PBRM1: variants seen among roughly 807,000 people sequenced by gnomAD.
PBRM1 encodes the protein polybromo 1.
A neutral mutation model predicts 194.5 loss-of-function variants in PBRM1; 27 were observed. That is an observed-to-expected ratio of 0.14 (90% CI 0.10 to 0.19). PBRM1 has a LOEUF of 0.19. Ranked by LOEUF, PBRM1 falls within the 10% of genes least tolerant of loss-of-function variation. The pLI, the probability that PBRM1 is intolerant of heterozygous loss-of-function variation, is 1.00. For missense variants in PBRM1, 1,466 were observed against 2,077.2 expected (o/e 0.71, Z 5.72); for synonymous variants, 655 against 693.2 (o/e 0.94, Z 0.87).
At chr3:52,663,577 A>G (rs2096769556) in intron 3 of PBRM1, among the ~76,000 whole-genome samples, 1 of 152,268 alleles carries the variant, frequency 6.6e-6, no homozygotes, top group South Asian at 2.1e-4. Context: ...CTCTACAGAT[A>G]AAGTTCCAAG....
chr3:52,638,158 ACTAT>A (rs1457255991), intron 10 of PBRM1, among the ~76,000 whole-genome samples: 10 of 152,144 alleles, frequency 6.6e-5, no homozygotes, highest in African/African-American at 1.9e-4. Context: ...GTCCTTATAT[ACTAT>A]CTTTTATACA....
intron 10 of PBRM1, 120 bp from the exon 12 acceptor site, chr3:52,634,935 A>G: frequency 1.4e-6 from 1 of 731,348 alleles, no homozygotes; most frequent in Non-Finnish European, 2.2e-6. Flanking sequence ...TATTATTACT[A>G]TTATTTTTGA....
At chr3:52,563,725 G>A (rs902964182) in intron 23 of PBRM1, among the ~76,000 whole-genome samples, 3 of 150,228 alleles carry the variant, frequency 2.0e-5, no homozygotes, top group African/African-American at 7.4e-5. Flanking sequence ...TCCAAAGTTG[G>A]GATCTAGTTG....
chr3:52,636,664 G>A (rs1026554986), intron 10 of PBRM1, among the ~76,000 whole-genome samples: 2 of 143,528 alleles, frequency 1.4e-5, no homozygotes, highest in Admixed American at 1.4e-4. Flanking sequence ...GGCTGAGGCA[G>A]GAGAATCACT....
chr3:52,630,229 G>A (rs577433108), intron 11 of PBRM1, among the ~76,000 whole-genome samples: 108 of 151,326 alleles, frequency 7.1e-4, no homozygotes, highest in Non-Finnish European at 1.3e-3. Flanking sequence ...AAAAAAATAG[G>A]GGGGACAAAT....
chr3:52,579,614 AAAAC>A (rs145752174), intron 20 of PBRM1, among the ~76,000 whole-genome samples: 3 of 151,984 alleles, frequency 2.0e-5, no homozygotes, highest in Non-Finnish European at 4.4e-5. Flanking sequence ...AAAGTAAATT[AAAAC>A]AAACAAACAA....
chr3:52,580,397 C>T (rs958908412), intron 20 of PBRM1, among the ~76,000 whole-genome samples: 6 of 152,004 alleles, frequency 3.9e-5, no homozygotes, highest in Admixed American at 6.6e-5. Context: ...CTCCCTCTGT[C>T]GCCCAGGCTG....
chr3:52,566,225 C>A (rs1226444258), intron 22 of PBRM1, among the ~76,000 whole-genome samples: 2 of 151,610 alleles, frequency 1.3e-5, no homozygotes, highest in South Asian at 4.2e-4. Context: ...GAAAATGGAA[C>A]CCTTGTATCT....
chr3:52,545,750 T>G (rs192017644), downstream of PBRM1: 1 of 233,216 alleles, frequency 4.3e-6, no homozygotes, highest in East Asian at 6.0e-5. Flanking sequence ...AACTTACATT[T>G]TGAAAACATT....
At chr3:52,567,565 C>CAAAAAAAAAAAAAAAAAAAAAA (rs10644120) in intron 22 of PBRM1, among the ~76,000 whole-genome samples, 3 of 91,668 alleles carry the variant, frequency 3.3e-5, no homozygotes, top group East Asian at 3.0e-4. Flanking sequence ...TAGGTAATCT[C>CAAAAAAAAAAAAAAAAAAAAAA]AAAAAAAAAA....
chr3:52,604,990 T>TAAATAAATAAATAAATAAAA (rs1474250093), intron 16 of PBRM1, among the ~76,000 whole-genome samples: 1 of 151,952 alleles, frequency 6.6e-6, no homozygotes, highest in Non-Finnish European at 1.5e-5. Flanking sequence ...AATAAATAAA[T>TAAATAAATAAATAAATAAAA]AAAATGTGGG....
At chr3:52,603,618 G>A (rs1192776793) in exon 17 of PBRM1, 1 of 1,613,166 alleles carries the variant, frequency 6.2e-7, no homozygotes, top group Non-Finnish European at 8.5e-7. Flanking sequence ...AATGTTTTGT[G>A]GTATAGCTGA....
chr3:52,553,663 CTT>C (rs71084188), intron 27 of PBRM1, among the ~76,000 whole-genome samples: 25 of 119,368 alleles, frequency 2.1e-4, no homozygotes, highest in Admixed American at 2.8e-4. Context: ...CTAATTTTTC[CTT>C]TTTTTTTTTT....
At chr3:52,591,182 T>C (rs918994089) in intron 17 of PBRM1, among the ~76,000 whole-genome samples, 4 of 152,306 alleles carry the variant, frequency 2.6e-5, no homozygotes, top group Non-Finnish European at 2.9e-5. Flanking sequence ...TTATTAGATA[T>C]AGAATTAAGT....
At chr3:52,635,591 C>T (rs2095782051) in intron 10 of PBRM1, among the ~76,000 whole-genome samples, 1 of 151,874 alleles carries the variant, frequency 6.6e-6, no homozygotes, top group African/African-American at 2.4e-5. Context: ...AACAAAAAAA[C>T]CTCTCAAATG....
At chr3:52,585,021 T>A (rs1479714360) in intron 20 of PBRM1, among the ~76,000 whole-genome samples, 14 of 152,228 alleles carry the variant, frequency 9.2e-5, no homozygotes, top group Non-Finnish European at 1.8e-4. Context: ...TCTAATGGAA[T>A]AATGAATGAA....
chr3:52,663,977 G>A (rs955155273), intron 3 of PBRM1, among the ~76,000 whole-genome samples: 4 of 151,450 alleles, frequency 2.6e-5, no homozygotes, highest in African/African-American at 9.7e-5. Context: ...GGAGAATGGC[G>A]TGAACCGGGG....
upstream of PBRM1, among the ~76,000 whole-genome samples, chr3:52,679,915 A>C (rs1026209392): frequency 2.6e-5 from 4 of 151,864 alleles, no homozygotes; most frequent in Middle Eastern, 3.2e-3. Flanking sequence ...CACTTACCAG[A>C]ATGCTATACT....
chr3:52,581,949 TA>T (rs2091323119), intron 20 of PBRM1, among the ~76,000 whole-genome samples: 1 of 152,056 alleles, frequency 6.6e-6, no homozygotes, highest in South Asian at 2.1e-4. Flanking sequence ...AGTTATTCTT[TA>T]AAAAAGTTCC....
Sources: gnomAD v4.1 joint callset for allele counts (sites outside exome capture counted in the v4.1 genomes callset) on GRCh38, gnomAD v4.1.1 for gene constraint, MANE v1.5 for transcripts, NCBI Gene and HGNC (gene_info 2026-07-23, HGNC 2026-07-21) for gene names.